Variants in ATP9B observed in about 807,000 individuals in gnomAD.
ATP9B encodes the protein probable phospholipid-transporting ATPase IIB.
In ATP9B, 110 loss-of-function variants were observed where a neutral mutation model predicts 146.1. The ratio of observed to expected loss-of-function variants is 0.75; its 90% CI spans 0.65 to 0.88. The LOEUF (loss-of-function observed/expected upper bound fraction) is 0.88, where lower values mean the gene tolerates loss of function less well. Among genes scored for constraint, ATP9B ranks in the 40% least tolerant of loss-of-function variants. The pLI is 0.00. For synonymous variants in ATP9B, 604 were observed against 569.7 expected, an observed-to-expected ratio of 1.06 and a Z score of -0.86; for missense variants, 1,499 against 1,496.4, an observed-to-expected ratio of 1.00 and a Z score of -0.03.
At chr18:79,172,255 G>C (rs112538646) in intron 7 of ATP9B, among the ~76,000 whole-genome samples, 10 of 88,820 alleles carry the variant, frequency 1.1e-4, no homozygotes, top group South Asian at 9.8e-4. Flanking sequence ...GATTACAGGC[G>C]TAGCCACCGT....
intron 1 of ATP9B, among the ~76,000 whole-genome samples, chr18:79,093,854 G>A (rs1049401863): frequency 6.6e-6 from 1 of 152,186 alleles, no homozygotes; most frequent in Non-Finnish European, 1.5e-5. Context: ...ATCTCATGGA[G>A]CGTGGATATA....
intron 1 of ATP9B, among the ~76,000 whole-genome samples, chr18:79,094,854 T>A (rs2074653327): frequency 6.6e-6 from 1 of 152,188 alleles, no homozygotes; most frequent in South Asian, 2.1e-4. Context: ...TTACTAGGAA[T>A]GAAAATATGA....
At chr18:79,375,951 T>C (rs1467873547) in intron 29 of ATP9B, 3 of 985,308 alleles carry the variant, frequency 3.0e-6, no homozygotes, top group African/African-American at 1.7e-5. Context: ...CCTCTTTTCA[T>C]GCGGAATTCA....
intron 9 of ATP9B, among the ~76,000 whole-genome samples, chr18:79,206,344 A>G (rs1157147976): frequency 2.0e-5 from 3 of 152,220 alleles, no homozygotes; most frequent in Non-Finnish European, 2.9e-5. Flanking sequence ...TCGTGAATAC[A>G]TGCACACTTA....
In ATP9B at chr18:79,377,401, G is replaced by A. The variant is rs2097108567; in HGVS notation, c.*18G>A. Reference sequence around the variant, plus strand: ...CCTCCTAAGGGGCTGTGCACCCCCAGCGGGCTGGCCCCAGCACCTTCTGCC... The same window carrying A: ...CCTCCTAAGGGGCTGTGCACCCCCAACGGGCTGGCCCCAGCACCTTCTGCC... On this transcript the variant is annotated 3_prime_UTR_variant, in exon 30 of 30. Coordinates refer to ENST00000426216, the MANE Select transcript of ATP9B (RefSeq NM_198531.5). 1.9e-6 allele frequency: 3 copies of A among 1,603,914 alleles called. No homozygotes were observed. Among genetic ancestry groups the A allele is most frequent in the Non-Finnish European group, 2.5e-6 (3 of 1,179,810 alleles).
At chr18:79,105,094 A>G (rs761025603) in intron 2 of ATP9B, among the ~76,000 whole-genome samples, 43 of 152,202 alleles carry the variant, frequency 2.8e-4, no homozygotes, top group Non-Finnish European at 4.9e-4. Flanking sequence ...AGGTATTGTC[A>G]TGCTGTTCTT....
intron 5 of ATP9B, among the ~76,000 whole-genome samples, chr18:79,132,876 A>ACTTATAAATACG (rs1478999433): frequency 6.6e-6 from 1 of 152,240 alleles, no homozygotes; most frequent in Non-Finnish European, 1.5e-5. Context: ...AAGGAAAGCC[A>ACTTATAAATACG]CTTATAAATA....
chr18:79,126,445 AATGT>A (rs1447445271), intron 5 of ATP9B, 70 bp downstream of exon 5: 8 of 1,028,054 alleles, frequency 7.8e-6, no homozygotes, highest in Admixed American at 2.2e-5. Context: ...TAACATAACA[AATGT>A]ATGAAAACAT....
At position 79,307,032 on chromosome 18, in the gene ATP9B, G is replaced by A. The variant is rs143991050; in HGVS notation, c.1571G>A (p.Arg524Lys). The A allele has an allele frequency of 1.3e-5, 21 of 1,614,068 alleles. No homozygotes were observed. The highest frequency in any genetic ancestry group is 1.7e-5 in the Non-Finnish European group (20 of 1,180,030). Reference sequence around the variant, plus strand: ...AACAATACTGGTTCAACTCCACTAAGAAAAGCCCAATCTTCAGCTCCCAAA... The same window carrying A: ...AACAATACTGGTTCAACTCCACTAAAAAAAGCCCAATCTTCAGCTCCCAAA... Reference protein sequence around the residue: ...GGNNTGSTPLRKAQSSAPKVR... With the variant: ...GGNNTGSTPLKKAQSSAPKVR... The change falls in exon 15 of 30, where the codon AGA becomes AAA. Residue 524 changes from arginine (R) to lysine (K), a missense_variant. Transcript: ENST00000426216.
At chr18:79,208,638 G>A (rs915171722) in intron 10 of ATP9B, among the ~76,000 whole-genome samples, 1 of 151,908 alleles carries the variant, frequency 6.6e-6, no homozygotes, top group Non-Finnish European at 1.5e-5. Context: ...ATGCTTGATG[G>A]GTATATGACA....
At chr18:79,202,204 GA>G (rs2095495528) in intron 9 of ATP9B, among the ~76,000 whole-genome samples, 1 of 152,216 alleles carries the variant, frequency 6.6e-6, no homozygotes, top group African/African-American at 2.4e-5. Flanking sequence ...GATAATGTGA[GA>G]ACAACCTAAA....
Position 79,069,503 on chromosome 18 carries a change from C to G in ATP9B, c.93C>G (p.Pro31=), listed in dbSNP as rs986630915. 1 of 1,452,322 alleles carries G rather than the reference C, an allele frequency of 6.9e-7. No homozygotes were observed. Among genetic ancestry groups the G allele is most frequent in the Non-Finnish European group, 9.1e-7 (1 of 1,100,946 alleles). 90.0% of individuals were successfully genotyped at this position (1,452,322 alleles called of 1,614,324 possible). Residue 31 remains proline, a synonymous_variant, in exon 1 of 30, where the codon CCC becomes CCG. Transcript: ENST00000426216. ...KRAAYYSAAG[P]RPGADRHSRY... is the part of the protein sequence containing the mutation. ...CGGCCTACTACAGCGCCGCGGGGCC[C>G]AGGCCGGGAGCCGACCGGCACAGCA...
At chr18:79,241,237 T>C (rs1462489950) in intron 11 of ATP9B, among the ~76,000 whole-genome samples, 1 of 152,210 alleles carries the variant, frequency 6.6e-6, no homozygotes, top group Admixed American at 6.5e-5. Flanking sequence ...TTTTTTTCTC[T>C]GTGTAGAACA....
intron 1 of ATP9B, among the ~76,000 whole-genome samples, chr18:79,079,310 C>T (rs979334551): frequency 1.3e-5 from 2 of 152,206 alleles, no homozygotes; most frequent in African/African-American, 4.8e-5. Flanking sequence ...TCTCCATGTC[C>T]TCTCCAGCAT....
intron 11 of ATP9B, among the ~76,000 whole-genome samples, chr18:79,251,237 G>T (rs116761892): frequency 6.6e-6 from 1 of 152,204 alleles, no homozygotes; most frequent in East Asian, 1.9e-4. Flanking sequence ...CGCTGAATGC[G>T]GCATCCCGTC....
At chr18:79,087,697 A>G (rs907318321) in intron 1 of ATP9B, 13 of 152,202 alleles carry the variant, frequency 8.5e-5, no homozygotes, top group African/African-American at 3.1e-4. Flanking sequence ...TAAGCTAGTT[A>G]TTGTAATGAT....
At chr18:79,368,023 C>T (rs766265585) in intron 26 of ATP9B, among the ~76,000 whole-genome samples, 20 of 152,190 alleles carry the variant, frequency 1.3e-4, no homozygotes, top group Admixed American at 3.9e-4. Flanking sequence ...TTCTCTGCCA[C>T]GGTGCGTGTC....
intron 25 of ATP9B, 94 bp downstream of exon 25, chr18:79,348,290 T>G: frequency 4.0e-4 from 402 of 1,009,950 alleles, no homozygotes; most frequent in Non-Finnish European, 5.0e-4. Context: ...ATATAGAAGA[T>G]TCTTGATACA....
At chr18:79,376,067 T>C (rs2097100013) in intron 29 of ATP9B, 1 of 985,076 alleles carries the variant, frequency 1.0e-6, no homozygotes, top group Non-Finnish European at 1.2e-6. Context: ...TGGGCCGGGC[T>C]CAGAGCCTCT....
Sources: gnomAD v4.1 joint callset for allele counts (sites outside exome capture counted in the v4.1 genomes callset) on GRCh38, gnomAD v4.1.1 for gene constraint, MANE v1.5 for transcripts, NCBI Gene and HGNC (gene_info 2026-07-23, HGNC 2026-07-21) for gene names.